Variants in ZC2HC1A observed in about 807,000 individuals in gnomAD.
The protein encoded by ZC2HC1A is zinc finger C2HC-type containing 1A.
A neutral mutation model predicts 40.7 loss-of-function variants in ZC2HC1A; 28 were observed. That is an observed-to-expected ratio of 0.69 (90% CI 0.51 to 0.94). The LOEUF (loss-of-function observed/expected upper bound fraction) is 0.94. Among genes scored for constraint, ZC2HC1A ranks in the 40% least tolerant of loss-of-function variants. The pLI, the probability that ZC2HC1A is intolerant of heterozygous loss-of-function variation, is 0.00. For missense variants in ZC2HC1A, 389 were observed against 386.3 expected, an observed-to-expected ratio of 1.01 and a Z score of -0.06; for synonymous variants, 129 against 129.2, an observed-to-expected ratio of 1.00 and a Z score of 0.01.
chr8:78,706,792 G>C (rs991294206), intron 7 of ZC2HC1A, among the ~76,000 whole-genome samples: 1 of 152,056 alleles, frequency 6.6e-6, no homozygotes, highest in Non-Finnish European at 1.5e-5. Context: ...TCTGTCAAAT[G>C]ATAGTAACTA....
intron 1 of ZC2HC1A, among the ~76,000 whole-genome samples, chr8:78,674,608 C>T (rs1013974943): frequency 2.0e-5 from 3 of 152,132 alleles, no homozygotes; most frequent in Non-Finnish European, 4.4e-5. Flanking sequence ...GTGTTGACTG[C>T]TTAACTGCTA....
intron 3 of ZC2HC1A, among the ~76,000 whole-genome samples, chr8:78,684,009 C>T (rs1233989226): frequency 6.6e-6 from 1 of 152,186 alleles, no homozygotes; most frequent in Admixed American, 6.5e-5. Flanking sequence ...GTCCATATCA[C>T]TATTAGCATT....
chr8:78,708,681 TTC>T (rs1372091215), intron 7 of ZC2HC1A, among the ~76,000 whole-genome samples: 1 of 146,548 alleles, frequency 6.8e-6, no homozygotes, highest in Admixed American at 6.8e-5. Flanking sequence ...TCTTTTTTTT[TTC>T]TTTTTTTTTT....
intron 4 of ZC2HC1A, among the ~76,000 whole-genome samples, chr8:78,687,748 T>A (rs1810056134): frequency 6.7e-5 from 4 of 59,712 alleles, no homozygotes; most frequent in Non-Finnish European, 1.0e-4. Flanking sequence ...ATGTAATACA[T>A]TATATATATT....
chr8:78,671,472 A>G (rs1030762364), intron 1 of ZC2HC1A, among the ~76,000 whole-genome samples: 1 of 152,172 alleles, frequency 6.6e-6, no homozygotes, highest in Non-Finnish European at 1.5e-5. Context: ...GTATTTTTAT[A>G]AGCTGCAAAA....
intron 6 of ZC2HC1A, 104 bp from the exon 7 acceptor site, chr8:78,698,310 T>C: frequency 1.1e-6 from 1 of 913,442 alleles, no homozygotes; most frequent in Non-Finnish European, 1.6e-6. Context: ...ACTTGATTTA[T>C]AGTTGCAAAG....
rs1811179721 is a variant in ZC2HC1A, at chr8:78,718,770, C to T, written c.*1277C>T. 1 of 151,758 alleles carries T rather than the reference C, an allele frequency of 6.6e-6. No homozygotes were observed. Among genetic ancestry groups the T allele is most frequent in the African/African-American group, 2.4e-5 (1 of 41,410 alleles). 9.4% of individuals were successfully genotyped at this position (151,758 alleles called of 1,614,324 possible). On this transcript the variant is annotated 3_prime_UTR_variant, in exon 9 of 9. Coordinates refer to ENST00000263849, the MANE Select transcript of ZC2HC1A (RefSeq NM_016010.3). ...ATCATAGTAGTTAGTAGTAGATTGC[C>T]TTGATGGCAGTAATTCTGTAGTAAT...
intron 4 of ZC2HC1A, among the ~76,000 whole-genome samples, chr8:78,687,559 C>G (rs899877379): frequency 1.5e-5 from 2 of 137,122 alleles, no homozygotes; most frequent in Non-Finnish European, 3.1e-5. Flanking sequence ...TTTATATTTA[C>G]ATAATAAATT....
rs7818021 is a variant in ZC2HC1A, at chr8:78,693,066, A to G, written c.504+3693A>G. ...TCCCTACAAAGGACATGAACTCATC[A>G]TTTTTTATGGCTGCATAGTATTCCA... On this transcript the variant is annotated intron_variant, in intron 5 of 8. Transcript: ENST00000263849. Among the ~76,000 whole-genome samples, 624 of 151,854 alleles carry G rather than the reference A, an allele frequency of 4.1e-3. 3 individuals carry two copies. Among genetic ancestry groups the G allele is most frequent in the African/African-American group, 0.014 (585 of 41,420 alleles).
intron 1 of ZC2HC1A, among the ~76,000 whole-genome samples, chr8:78,670,051 T>A (rs1245207920): frequency 1.4e-5 from 2 of 145,880 alleles, no homozygotes; most frequent in Non-Finnish European, 3.0e-5. Flanking sequence ...CACCACAACC[T>A]CCGCCTTCTG....
chr8:78,715,903 G>A (rs1013200545), intron 8 of ZC2HC1A, among the ~76,000 whole-genome samples: 15 of 151,432 alleles, frequency 9.9e-5, no homozygotes, highest in Non-Finnish European at 1.3e-4. Context: ...AGCCGGTTGT[G>A]GTGTTGCACA....
At chr8:78,676,020 C>A in intron 2 of ZC2HC1A, 157 bp downstream of exon 2, 2 of 476,422 alleles carry the variant, frequency 4.2e-6, no homozygotes, top group South Asian at 5.9e-5. Context: ...CTATGCCATT[C>A]TTCCAGAATG....
intron 4 of ZC2HC1A, among the ~76,000 whole-genome samples, chr8:78,687,040 G>A (rs771153250): frequency 7.9e-5 from 12 of 152,068 alleles, no homozygotes; most frequent in Non-Finnish European, 1.6e-4. Context: ...TATAATTCAT[G>A]TGGCTCGACT....
At chr8:78,687,511 T>C (rs1214290144) in intron 4 of ZC2HC1A, among the ~76,000 whole-genome samples, 1 of 142,756 alleles carries the variant, frequency 7.0e-6, no homozygotes, top group Non-Finnish European at 1.5e-5. Flanking sequence ...ATAAATTATA[T>C]ATATTTATAT....
intron 7 of ZC2HC1A, among the ~76,000 whole-genome samples, chr8:78,705,079 T>C (rs1355994456): frequency 2.0e-5 from 3 of 152,232 alleles, no homozygotes; most frequent in Non-Finnish European, 4.4e-5. Context: ...TTCCTGTCCG[T>C]ATCCTGAATT....
intron 1 of ZC2HC1A, among the ~76,000 whole-genome samples, chr8:78,669,766 G>T (rs1281691108): frequency 6.6e-6 from 1 of 151,814 alleles, no homozygotes; most frequent in Non-Finnish European, 1.5e-5. Flanking sequence ...CCTTCATTGT[G>T]GTTATCACCA....
At chr8:78,699,698 T>A (rs1226365539) in intron 7 of ZC2HC1A, among the ~76,000 whole-genome samples, 1 of 152,138 alleles carries the variant, frequency 6.6e-6, no homozygotes, top group African/African-American at 2.4e-5. Flanking sequence ...TAGCTTCCAC[T>A]TATAAGTGAG....
intron 7 of ZC2HC1A, among the ~76,000 whole-genome samples, chr8:78,712,617 A>G (rs1259128173): frequency 1.3e-5 from 2 of 152,142 alleles, no homozygotes; most frequent in East Asian, 3.9e-4. Flanking sequence ...CAACCGGGAA[A>G]AAGTATGACA....
intron 2 of ZC2HC1A, 86 bp downstream of exon 2, chr8:78,675,949 C>T (rs1395733249): frequency 1.2e-5 from 14 of 1,193,706 alleles, no homozygotes; most frequent in Admixed American, 5.7e-5. Flanking sequence ...GAAGAATTTA[C>T]GTGGAATAGT....
Sources: allele counts gnomAD v4.1 joint callset (sites outside exome capture counted in the v4.1 genomes callset), GRCh38; gene constraint gnomAD v4.1.1; transcripts MANE v1.5; gene names NCBI Gene and HGNC (gene_info 2026-07-23, HGNC 2026-07-21).